EYS: variants seen among roughly 807,000 people sequenced by gnomAD.
EYS encodes the protein EGF-like photoreceptor maintenance factor, also known as protein eyes shut homolog.
Under a neutral mutation model 282.1 loss-of-function variants are expected in EYS, and 250 were observed. That is an observed-to-expected ratio of 0.89 (90% CI 0.80 to 0.98). EYS has a LOEUF of 0.98. EYS is among the 50% of genes least tolerant of loss of function. The pLI is 0.00. For missense variants in EYS, 4,016 were observed against 3,709.0 expected, an observed-to-expected ratio of 1.08 and a Z score of -2.15; for synonymous variants, 1,355 against 1,282.9, an observed-to-expected ratio of 1.06 and a Z score of -1.20.
intron 35 of EYS, among the ~76,000 whole-genome samples, 193 bp downstream of exon 35, chr6:63,984,190 G>C (rs530398116): frequency 1.3e-5 from 2 of 151,808 alleles, no homozygotes; most frequent in African/African-American, 4.8e-5. Flanking sequence ...TGTCTCTTGA[G>C]CTACAATATA....
rs189019881 is a variant in EYS, at chr6:65,193,434, C to A, written c.2023+102429G>T. Among the ~76,000 whole-genome samples, 218 of 151,692 alleles carry A rather than the reference C, an allele frequency of 1.4e-3. 3 individuals carry two copies. The highest frequency in any genetic ancestry group is 4.7e-3 in the African/African-American group (195 of 41,394). ...CCTATATAAGGGACAGACATCGATG[C>A]GCCTTTTCAAAAAGGTGAAGTGGGA... On this transcript the variant is annotated intron_variant, in intron 12 of 42. Transcript: ENST00000503581.
intron 13 of EYS, among the ~76,000 whole-genome samples, chr6:65,012,145 C>T (rs1482701977): frequency 6.6e-6 from 1 of 151,930 alleles, no homozygotes; most frequent in African/African-American, 2.4e-5. Context: ...TACTTCAATC[C>T]TGAAAAATTT....
At chr6:63,773,490 T>C (rs1051737640) in intron 40 of EYS, among the ~76,000 whole-genome samples, 1 of 152,142 alleles carries the variant, frequency 6.6e-6, no homozygotes, top group African/African-American at 2.4e-5. Flanking sequence ...TACAATTAAT[T>C]TGATTGCAAT....
At chr6:63,990,175 A>C (rs899412605) in intron 34 of EYS, among the ~76,000 whole-genome samples, 14 of 151,694 alleles carry the variant, frequency 9.2e-5, no homozygotes, top group African/African-American at 3.1e-4. Context: ...ATAATAAAAA[A>C]ATTTGTTGCA....
At chr6:64,025,816 G>T (rs1282701440) in intron 33 of EYS, among the ~76,000 whole-genome samples, 3 of 152,164 alleles carry the variant, frequency 2.0e-5, no homozygotes, top group Admixed American at 2.0e-4. Flanking sequence ...CTCCCTCAGG[G>T]TATGGCCCTC....
chr6:64,683,489 G>C (rs1429453909), intron 22 of EYS, among the ~76,000 whole-genome samples: 3 of 152,090 alleles, frequency 2.0e-5, no homozygotes, highest in Non-Finnish European at 4.4e-5. Context: ...CTTAATATTG[G>C]ATTAGAGAAG....
chr6:63,874,184 A>G (rs1314946934), intron 35 of EYS, among the ~76,000 whole-genome samples: 1 of 152,218 alleles, frequency 6.6e-6, no homozygotes, highest in Non-Finnish European at 1.5e-5. Context: ...AGGTGTAAGG[A>G]AGGAATCCAA....
intron 35 of EYS, among the ~76,000 whole-genome samples, chr6:63,866,199 C>T (rs1021010388): frequency 7.3e-5 from 11 of 150,362 alleles, no homozygotes; most frequent in African/African-American, 9.7e-5. Flanking sequence ...AAAGCACAGC[C>T]GGACCACCTA....
At chr6:65,333,707 C>A (rs1267558929) in intron 11 of EYS, among the ~76,000 whole-genome samples, 1 of 150,660 alleles carries the variant, frequency 6.6e-6, no homozygotes, top group Non-Finnish European at 1.5e-5. Context: ...TATTTTGAGG[C>A]TCTGTTGTTA....
intron 12 of EYS, among the ~76,000 whole-genome samples, chr6:65,212,604 C>A (rs879327861): frequency 6.6e-6 from 1 of 151,980 alleles, no homozygotes; most frequent in South Asian, 2.1e-4. Flanking sequence ...GGCTTAATAG[C>A]CAGAGTTGCC....
intron 9 of EYS, among the ~76,000 whole-genome samples, chr6:65,349,423 A>G (rs1351633187): frequency 6.6e-6 from 1 of 151,516 alleles, no homozygotes; most frequent in Non-Finnish European, 1.5e-5. Flanking sequence ...ATCTCAATAA[A>G]CCTATAAAAT....
intron 30 of EYS, among the ~76,000 whole-genome samples, chr6:64,285,233 T>C (rs2150363194): frequency 6.6e-6 from 1 of 150,868 alleles, no homozygotes; most frequent in Non-Finnish European, 1.5e-5. Flanking sequence ...TCTTGAATGC[T>C]TTACCACTTA....
At chr6:64,624,976 A>T (rs1179676438) in intron 23 of EYS, among the ~76,000 whole-genome samples, 1 of 152,218 alleles carries the variant, frequency 6.6e-6, no homozygotes, top group Non-Finnish European at 1.5e-5. Context: ...CCTGGGCTCA[A>T]GTAATCCTCT....
intron 12 of EYS, among the ~76,000 whole-genome samples, chr6:65,100,717 G>T (rs1442346954): frequency 6.7e-6 from 1 of 150,186 alleles, no homozygotes; most frequent in Non-Finnish European, 1.5e-5. Context: ...AATTGGAAAA[G>T]TCTATTGCTG....
intron 2 of EYS, among the ~76,000 whole-genome samples, chr6:65,529,697 G>A (rs917234621): frequency 2.6e-5 from 4 of 152,114 alleles, no homozygotes; most frequent in African/African-American, 4.8e-5. Context: ...ATGCCAGGAC[G>A]AAGGTATTAA....
At chr6:63,998,103 C>A (rs188319694) in intron 34 of EYS, among the ~76,000 whole-genome samples, 3 of 152,170 alleles carry the variant, frequency 2.0e-5, no homozygotes, top group Admixed American at 2.0e-4. Flanking sequence ...AAGATCAGTA[C>A]AGTGCATTAT....
intron 2 of EYS, among the ~76,000 whole-genome samples, chr6:65,603,627 A>C (rs941211261): frequency 1.3e-5 from 2 of 152,020 alleles, no homozygotes; most frequent in African/African-American, 4.8e-5. Flanking sequence ...GAGGTCCTAC[A>C]TAAGTACTCT....
intron 8 of EYS, among the ~76,000 whole-genome samples, chr6:65,361,793 C>A (rs1764719055): frequency 6.6e-6 from 1 of 152,084 alleles, no homozygotes; most frequent in Admixed American, 6.6e-5. Flanking sequence ...AAAGTAATTT[C>A]TTAGACTACA....
chr6:65,489,797 A>G (rs1254399758), intron 5 of EYS: 1 of 151,214 alleles, frequency 6.6e-6, no homozygotes, highest in African/African-American at 2.4e-5. Flanking sequence ...ATGCAGCCAT[A>G]AAAAAAAAGG....
Sources: allele counts gnomAD v4.1 joint callset (sites outside exome capture counted in the v4.1 genomes callset), GRCh38; gene constraint gnomAD v4.1.1; transcripts MANE v1.5; gene names NCBI Gene and HGNC (gene_info 2026-07-23, HGNC 2026-07-21).